Variants in TMC6 observed in about 807,000 individuals in gnomAD.
The protein encoded by TMC6 is transmembrane channel-like protein 6.
TMC6 carries 71 observed loss-of-function variants against 95.4 expected under a neutral mutation model. That is an observed-to-expected ratio of 0.74 (90% CI 0.61 to 0.91). The LOEUF (loss-of-function observed/expected upper bound fraction) is 0.91, where lower values mean the gene tolerates loss of function less well. Among genes scored for constraint, TMC6 ranks in the 40% least tolerant of loss-of-function variants. The pLI, the probability that TMC6 is intolerant of heterozygous loss-of-function variation, is 0.00. For synonymous variants in TMC6, 514 were observed against 483.1 expected (o/e 1.06, Z -0.84); for missense variants, 1,074 against 1,079.1 (o/e 1.00, Z 0.07).
upstream of TMC6, chr17:78,131,450 C>T (rs1456907829): frequency 8.8e-6 from 11 of 1,252,116 alleles, no homozygotes; most frequent in Admixed American, 1.4e-4. Context: ...CCGACGCCGG[C>T]GCAGAGGGGA....
At chr17:78,120,282 C>T (rs1186164917) in intron 13 of TMC6, 1 of 372,868 alleles carries the variant, frequency 2.7e-6, no homozygotes, top group Non-Finnish European at 5.2e-6. Flanking sequence ...GCCTCTGCCT[C>T]CCGAGTAGCT....
chr17:78,123,225 C>T (rs1361914818), intron 9 of TMC6: 8 of 288,140 alleles, frequency 2.8e-5, no homozygotes. Flanking sequence ...CATGGATTGT[C>T]CCAGCCCATT....
chr17:78,126,186 G>A lies in TMC6; in HGVS notation c.271+91C>T, dbSNP rs1384282600. The A allele has an allele frequency of 6.7e-6, 10 of 1,496,540 alleles. No individual in the cohort carries two copies. In the South Asian group the frequency reaches 7.3e-5, roughly 11 times the overall value. 92.7% of individuals were successfully genotyped at this position (1,496,540 alleles called of 1,614,324 possible). A position where few individuals can be genotyped will look rare whatever the true frequency, so the allele number is the denominator to read the frequency against. On this transcript the variant is annotated intron_variant, in intron 4 of 19. Transcript: ENST00000590602. ...GAGCTACGGGAGCAGCCACTACCCA[G>A]GGAGATGCCTGGCAGGAAGCCCAGC...
chr17:78,117,234 G>T lies in TMC6; in HGVS notation c.2277+35C>A, dbSNP rs372983943. Reference sequence around the variant, plus strand: ...CGTCACCCTCAGGTGACCTGAGAGGGTGGGGGCTGAGAGCAGCCCAGGAGG... The same window carrying T: ...CGTCACCCTCAGGTGACCTGAGAGGTTGGGGGCTGAGAGCAGCCCAGGAGG... On this transcript the variant is annotated intron_variant, in intron 18 of 19. Transcript: ENST00000590602. 5.6e-6 allele frequency: 9 copies of T among 1,608,962 alleles called. No homozygotes were observed. In the African/African-American group the frequency reaches 1.1e-4, roughly 19 times the overall value.
intron 19 of TMC6, 27 bp from the exon 20 acceptor site, chr17:78,113,238 G>C: frequency 6.5e-7 from 1 of 1,547,874 alleles, no homozygotes; most frequent in Non-Finnish European, 8.7e-7. Flanking sequence ...TCACTGAGGG[G>C]ACCCCATAAA....
chr17:78,118,777 T>C (rs930840545), intron 15 of TMC6, among the ~76,000 whole-genome samples, 194 bp downstream of exon 15: 2 of 152,168 alleles, frequency 1.3e-5, no homozygotes, highest in Non-Finnish European at 2.9e-5. Context: ...CTTCCCAGCC[T>C]GCCGAAGACA....
intron 18 of TMC6, among the ~76,000 whole-genome samples, chr17:78,114,957 C>T (rs532283349): frequency 2.4e-4 from 36 of 152,366 alleles, no homozygotes; most frequent in East Asian, 1.7e-3. Context: ...CTGCATTCCC[C>T]GCCCGGACCC....
upstream of TMC6, among the ~76,000 whole-genome samples, chr17:78,129,785 C>T (rs999647025): frequency 1.3e-5 from 2 of 152,198 alleles, no homozygotes; most frequent in Non-Finnish European, 2.9e-5. This position sits in a 1 kb window ranked among gnomAD's most constrained non-coding sequence, Gnocchi z 4.3. Context: ...GCTTCCCCCT[C>T]CCTGCATACC....
chr17:78,118,465 A>C (rs2074244850), intron 15 of TMC6, among the ~76,000 whole-genome samples: 1 of 152,170 alleles, frequency 6.6e-6, no homozygotes, highest in African/African-American at 2.4e-5. Context: ...CTGAGGCAGG[A>C]GAATGGCGTG....
At position 78,121,290 on chromosome 17, in the gene TMC6, C is replaced by G; in HGVS notation, c.1384-126G>C. ...CCCTCCTCCAAGATCTGGCCCTCCC[C>G]AGGCCTCAAGTTCAAACCACACAGG... On this transcript the variant is annotated intron_variant, in intron 11 of 19. Coordinates refer to ENST00000590602, the MANE Select transcript of TMC6 (RefSeq NM_001127198.5). The surrounding 1 kb of genome is among the most constrained non-coding windows in gnomAD (Gnocchi z 5.6). 1 of 1,467,636 alleles carries G rather than the reference C, an allele frequency of 6.8e-7. No individual in the cohort carries two copies. Among genetic ancestry groups the G allele is most frequent in the Non-Finnish European group, 9.2e-7 (1 of 1,088,168 alleles). The allele number at this position is 1,467,636 out of a possible 1,614,324, so 90.9% of individuals were successfully genotyped here.
intron 19 of TMC6, 76 bp downstream of exon 19, chr17:78,113,472 G>T: frequency 6.5e-7 from 1 of 1,536,878 alleles, no homozygotes; most frequent in South Asian, 1.1e-5. Context: ...TAGCCCCAGT[G>T]GCAGCCCTAC....
chr17:78,119,154 C>T (rs1406736406), intron 14 of TMC6, 108 bp from the exon 15 acceptor site: 3 of 1,490,492 alleles, frequency 2.0e-6, no homozygotes, highest in Admixed American at 3.6e-5. Context: ...AAAACTGAGT[C>T]CCCGGGGTTA....
At chr17:78,119,213 G>A (rs2074284674) in intron 14 of TMC6, 84 bp downstream of exon 14, 21 of 1,566,800 alleles carry the variant, frequency 1.3e-5, no homozygotes, top group Non-Finnish European at 1.5e-5. Flanking sequence ...TGTGGCCCCA[G>A]GGGGAGGCAG....
chr17:78,120,567 G>C lies in TMC6; in HGVS notation c.1715+86C>G. 1.0e-5 allele frequency: 16 copies of C among 1,592,162 alleles called. No homozygotes were observed. In the South Asian group the frequency reaches 1.7e-4, roughly 17 times the overall value. On this transcript the variant is annotated intron_variant, in intron 13 of 19. Transcript: ENST00000590602. ...GGAGACACAGGGCCCTGATGGGAAA[G>C]GTCCAGGCCTGAGAACCTCCCGGCC...
At chr17:78,116,027 G>A (rs935933718) in intron 18 of TMC6, among the ~76,000 whole-genome samples, 4 of 152,006 alleles carry the variant, frequency 2.6e-5, no homozygotes, top group Non-Finnish European at 5.9e-5. Context: ...ACAGCATGAG[G>A]GCCTCAGCAA....
intron 18 of TMC6, 98 bp from the exon 19 acceptor site, chr17:78,113,722 G>T: frequency 8.1e-7 from 1 of 1,240,560 alleles, no homozygotes; most frequent in Non-Finnish European, 1.2e-6. Flanking sequence ...CTCACGAGGT[G>T]TATTCAACAT....
At position 78,124,962 on chromosome 17, in the gene TMC6, C is replaced by T. The variant is rs1489137879; in HGVS notation, c.560G>A (p.Gly187Glu). ...SLREKSRTPRGKWRGQPGSGG... is the reference protein window; with the variant it reads ...SLREKSRTPREKWRGQPGSGG... The stretch of plus-strand genomic sequence containing the variant: ...GCTGCCCGGCTGGCCCCTCCACTTC[C>T]CCCTCGGGGTCCTGCTCTTCTCTCT... Residue 187 changes from glycine (G) to glutamate (E), a missense_variant, in exon 7 of 20, where the codon GGG becomes GAG. Coordinates refer to ENST00000590602, the MANE Select transcript of TMC6 (RefSeq NM_001127198.5). 7 of 1,595,640 alleles carry T rather than the reference C, an allele frequency of 4.4e-6. No homozygotes were observed. Among genetic ancestry groups the T allele is most frequent in the Admixed American group, 1.7e-5 (1 of 58,214 alleles).
rs1166251158 is a variant in TMC6 at position 78,125,736 on chromosome 17, C to T, written c.420G>A (p.Leu140=). The change falls in exon 5 of 20, where the codon CTG becomes CTA. Residue 140 remains leucine (L), a synonymous_variant. Coordinates refer to ENST00000590602, the MANE Select transcript of TMC6 (RefSeq NM_001127198.5). ...LYDLELDPTA[L]EEEEKQSLLV... is the part of the protein sequence containing the mutation. ...TGCCCACTCACTCACCCTCCTCCTC[C>T]AGGGCCGTGGGGTCCAGCTCCAGGT... 2 of 1,566,662 alleles carry T rather than the reference C, an allele frequency of 1.3e-6. No individual in the cohort carries two copies. Among genetic ancestry groups the T allele is most frequent in the Non-Finnish European group, 1.7e-6 (2 of 1,156,152 alleles).
At position 78,117,757 on chromosome 17, in the gene TMC6, C is replaced by A. The variant is rs116405013; in HGVS notation, c.2021+45G>T. 2,142 of 1,591,222 alleles carry A rather than the reference C, an allele frequency of 1.3e-3. 29 individuals are homozygous for A. The African/African-American group carries it at 0.024, about 18-fold the overall frequency. On this transcript the variant is annotated intron_variant, in intron 16 of 19. Coordinates refer to ENST00000590602, the MANE Select transcript of TMC6 (RefSeq NM_001127198.5). ...GGGCCCCCCAGGCACCACCACCCAA[C>A]CCCCAGATGACACAGAAGGGTCTCC...
Sources: gnomAD v4.1 joint callset for allele counts (sites outside exome capture counted in the v4.1 genomes callset) on GRCh38, gnomAD v4.1.1 for gene constraint, Gnocchi (gnomAD v3.1) non-coding constraint, MANE v1.5 for transcripts, NCBI Gene and HGNC (gene_info 2026-07-23, HGNC 2026-07-21) for gene names.